The following EPHA6 variants were observed in gnomAD, a reference collection of about 807,000 sequenced individuals.
EPHA6 encodes the protein EPH receptor A6.
EPHA6 carries 50 observed loss-of-function variants against 112.0 expected under a neutral mutation model. The observed-to-expected ratio is 0.45, with a 90% CI of 0.36 to 0.56. The LOEUF is 0.56. Among genes scored for constraint, EPHA6 ranks in the 20% least tolerant of loss-of-function variants. The pLI, the probability that EPHA6 is intolerant of heterozygous loss-of-function variation, is 0.00. For missense variants in EPHA6, 1,280 were observed against 1,417.4 expected, an observed-to-expected ratio of 0.90 and a Z score of 1.56; for synonymous variants, 529 against 490.7, an observed-to-expected ratio of 1.08 and a Z score of -1.03.
intron 16 of EPHA6, among the ~76,000 whole-genome samples, chr3:97,736,464 AGAGAGAGTGTGTGTGTGT>A (rs1345091654): frequency 4.2e-5 from 6 of 143,352 alleles, no homozygotes; most frequent in Non-Finnish European, 7.5e-5. Context: ...AGAGAGAGAG[AGAGAGAGTGTGTGTGTGT>A]GTGTGTGTGT....
chr3:97,285,240 AT>A (rs1553738173), intron 5 of EPHA6, among the ~76,000 whole-genome samples: 1 of 152,144 alleles, frequency 6.6e-6, no homozygotes, highest in Non-Finnish European at 1.5e-5. Flanking sequence ...TTTGTAAGAT[AT>A]TTTGTTTGGC....
intron 14 of EPHA6, among the ~76,000 whole-genome samples, chr3:97,661,843 C>T (rs994331868): frequency 6.6e-6 from 1 of 152,102 alleles, no homozygotes. Context: ...TTTGAATTTC[C>T]TCTTATGGAT....
intron 2 of EPHA6, among the ~76,000 whole-genome samples, chr3:96,960,822 A>G (rs539743942): frequency 6.6e-6 from 1 of 152,324 alleles, no homozygotes; most frequent in Admixed American, 6.5e-5. Flanking sequence ...AGTATATCAT[A>G]GCTGATTTCA....
chr3:97,480,771 C>G (rs1017014821), intron 9 of EPHA6, among the ~76,000 whole-genome samples: 1 of 152,008 alleles, frequency 6.6e-6, no homozygotes, highest in African/African-American at 2.4e-5. Context: ...GGGTGGCGGC[C>G]GGGCAGAGGG....
At chr3:97,062,687 G>A (rs1052916067) in intron 3 of EPHA6, among the ~76,000 whole-genome samples, 1 of 152,098 alleles carries the variant, frequency 6.6e-6, no homozygotes, top group African/African-American at 2.4e-5. Flanking sequence ...GAGATCTGAT[G>A]GTTTTATAAG....
At chr3:96,869,319 A>G (rs534355792) in intron 2 of EPHA6, among the ~76,000 whole-genome samples, 1 of 151,642 alleles carries the variant, frequency 6.6e-6, no homozygotes, top group South Asian at 2.1e-4. Context: ...TAATAAAAGG[A>G]GAGGTTAATT....
chr3:97,286,748 T>G (rs918768134), intron 5 of EPHA6, among the ~76,000 whole-genome samples: 1 of 152,048 alleles, frequency 6.6e-6, no homozygotes, highest in Non-Finnish European at 1.5e-5. Flanking sequence ...CCAAACAAAT[T>G]TTAGATTTTT....
chr3:97,498,367 G>A (rs921877849), intron 10 of EPHA6, among the ~76,000 whole-genome samples: 9 of 149,260 alleles, frequency 6.0e-5, no homozygotes, highest in Admixed American at 4.0e-4. Flanking sequence ...CTGTCCCAAA[G>A]CAGGCAGGAA....
intron 5 of EPHA6, among the ~76,000 whole-genome samples, chr3:97,367,792 C>T (rs1251978845): frequency 2.0e-5 from 3 of 151,778 alleles, no homozygotes; most frequent in Non-Finnish European, 2.9e-5. Flanking sequence ...ATACAACTAG[C>T]CAGAATATCT....
In EPHA6 at chr3:97,312,748, GT is replaced by G. The variant is rs970039360; in HGVS notation, c.1606+68470del. On this transcript the variant is annotated intron_variant, in intron 5 of 17. Coordinates refer to ENST00000389672, the MANE Select transcript of EPHA6 (RefSeq NM_001080448.3). ...TGCATTTATTGATATAATTATACAA[GT>G]TTTTTTTTCTCTAATATTCTGTGGT... Among the ~76,000 whole-genome samples the G allele has an allele frequency of 6.0e-5, 9 of 149,498 alleles. No homozygotes were observed. The South Asian group carries it at 6.3e-4, about 11-fold the overall frequency.
chr3:97,381,587 C>T (rs1577172780), intron 5 of EPHA6, among the ~76,000 whole-genome samples: 1 of 152,110 alleles, frequency 6.6e-6, no homozygotes, highest in Non-Finnish European at 1.5e-5. Context: ...AAATACCCTG[C>T]TTCTCTTGAT....
At position 97,756,695 on chromosome 3, in the gene EPHA6, T is replaced by TA. The variant is rs926785721; in HGVS notation, c.*8002dup. On this transcript the variant is annotated 3_prime_UTR_variant, in exon 18 of 18. Coordinates refer to ENST00000389672, the MANE Select transcript of EPHA6 (RefSeq NM_001080448.3). ...TTTATGGTTTTTAGGCCTCTTAGAGTAAAAAAAATCAAAATGTGAAATGGG... is the reference window on the plus strand; with the variant it reads ...TTTATGGTTTTTAGGCCTCTTAGAGTAAAAAAAAATCAAAATGTGAAATGGG... 2.3e-4 allele frequency among the ~76,000 whole-genome samples: 35 copies of TA among 151,592 alleles called. No homozygotes were observed. Among genetic ancestry groups the TA allele is most frequent in the African/African-American group, 6.5e-4 (27 of 41,414 alleles).
chr3:97,636,171 A>G (rs1171113558), intron 13 of EPHA6, among the ~76,000 whole-genome samples: 1 of 152,032 alleles, frequency 6.6e-6, no homozygotes, highest in Non-Finnish European at 1.5e-5. Flanking sequence ...ATTCACTACT[A>G]CTTTAAAATT....
At chr3:96,882,116 C>T (rs936446587) in intron 2 of EPHA6, among the ~76,000 whole-genome samples, 5 of 152,184 alleles carry the variant, frequency 3.3e-5, no homozygotes, top group Non-Finnish European at 7.3e-5. Context: ...TGGCCCTCTT[C>T]TTACAGCTCC....
intron 12 of EPHA6, among the ~76,000 whole-genome samples, chr3:97,596,317 T>C (rs372223608): frequency 6.6e-6 from 1 of 152,354 alleles, no homozygotes; most frequent in South Asian, 2.1e-4. Context: ...GAATTTTTTA[T>C]ATGCCATAGA....
intron 14 of EPHA6, among the ~76,000 whole-genome samples, chr3:97,699,937 GT>G (rs2033277034): frequency 6.6e-6 from 1 of 152,180 alleles, no homozygotes; most frequent in Admixed American, 6.5e-5. Flanking sequence ...CTCAGCCCAA[GT>G]TCCCTGGAAA....
intron 11 of EPHA6, among the ~76,000 whole-genome samples, chr3:97,540,274 A>G (rs1385218556): frequency 6.6e-6 from 1 of 152,166 alleles, no homozygotes; most frequent in Non-Finnish European, 1.5e-5. Flanking sequence ...TTTACTGGGA[A>G]CTATTTGCCA....
At chr3:97,256,641 T>A (rs1167700367) in intron 5 of EPHA6, among the ~76,000 whole-genome samples, 1 of 152,064 alleles carries the variant, frequency 6.6e-6, no homozygotes, top group African/African-American at 2.4e-5. Context: ...AACTAATCAT[T>A]TTTTTCATGG....
At chr3:97,462,316 C>G (rs4857257) in intron 7 of EPHA6, among the ~76,000 whole-genome samples, 17,846 of 152,100 alleles carry the variant, frequency 0.12, 1,303 homozygotes, top group Admixed American at 0.23. Context: ...GAGGGAAACT[C>G]CACTGAGTTC....
Sources: allele counts gnomAD v4.1 joint callset (sites outside exome capture counted in the v4.1 genomes callset), GRCh38; gene constraint gnomAD v4.1.1; transcripts MANE v1.5; gene names NCBI Gene and HGNC (gene_info 2026-07-23, HGNC 2026-07-21).